ASIC2: variants seen among roughly 807,000 people sequenced by gnomAD.
The protein encoded by ASIC2 is acid-sensing ion channel 2.
In ASIC2, 25 loss-of-function variants were observed where a neutral mutation model predicts 57.3. The observed-to-expected ratio is 0.44, with a 90% CI of 0.32 to 0.61. The LOEUF (loss-of-function observed/expected upper bound fraction) is 0.61, where lower values mean the gene tolerates loss of function less well. Among genes scored for constraint, ASIC2 ranks in the 20% least tolerant of loss-of-function variants. The pLI is 0.06. For missense variants in ASIC2, 641 were observed against 738.1 expected (o/e 0.87, Z 1.52); for synonymous variants, 319 against 307.5 (o/e 1.04, Z -0.39).
chr17:33,326,695 T>C (rs768554623), intron 1 of ASIC2, among the ~76,000 whole-genome samples: 2 of 152,218 alleles, frequency 1.3e-5, no homozygotes, highest in Non-Finnish European at 2.9e-5. Context: ...ATGAACTTTT[T>C]CCCCAAAGGG....
chr17:34,053,711 A>AC (rs1330829546), intron 1 of ASIC2, among the ~76,000 whole-genome samples: 2 of 152,258 alleles, frequency 1.3e-5, no homozygotes, highest in African/African-American at 4.8e-5. Flanking sequence ...ATCAAAGAGC[A>AC]TAGAGGTGGA....
At position 33,063,005 on chromosome 17, in the gene ASIC2, G is replaced by A. The variant is rs545823938; in HGVS notation, c.987+25858C>T. On this transcript the variant is annotated intron_variant, in intron 3 of 9. Coordinates refer to ENST00000225823, the MANE Select transcript of ASIC2 (RefSeq NM_183377.2). ...GCAACCCCTGCCTTTTTTTGTTTTCGATTTGCTTGGCAGATCTTTCTCCAT... is the reference window on the plus strand; with the variant it reads ...GCAACCCCTGCCTTTTTTTGTTTTCAATTTGCTTGGCAGATCTTTCTCCAT... Among the ~76,000 whole-genome samples, 4 of 151,568 alleles carry A rather than the reference G, an allele frequency of 2.6e-5. No individual in the cohort carries two copies. The East Asian group carries it at 7.7e-4, about 29-fold the overall frequency.
intron 2 of ASIC2, among the ~76,000 whole-genome samples, chr17:33,092,875 T>A (rs2092163152): frequency 6.6e-6 from 1 of 152,216 alleles, no homozygotes; most frequent in Non-Finnish European, 1.5e-5. Context: ...GCTCAATAAA[T>A]GTTTGTTGAA....
At chr17:34,155,245 T>A (rs1018748450) in intron 1 of ASIC2, among the ~76,000 whole-genome samples, 1 of 152,100 alleles carries the variant, frequency 6.6e-6, no homozygotes, top group African/African-American at 2.4e-5. Flanking sequence ...CACAGGCATC[T>A]CCCTGACCCT....
At chr17:33,324,757 G>A (rs1907002219) in intron 1 of ASIC2, among the ~76,000 whole-genome samples, 2 of 152,098 alleles carry the variant, frequency 1.3e-5, no homozygotes, top group South Asian at 4.1e-4. Flanking sequence ...ATCTTTGACA[G>A]CACAAAGACT....
chr17:33,729,460 C>T (rs531967454), intron 1 of ASIC2, among the ~76,000 whole-genome samples: 35 of 152,206 alleles, frequency 2.3e-4, no homozygotes, highest in African/African-American at 8.4e-4. Context: ...GGACAAATAC[C>T]CAAACTATAT....
At chr17:33,898,218 A>ATTTT (rs1242866465) in intron 1 of ASIC2, among the ~76,000 whole-genome samples, 12 of 67,814 alleles carry the variant, frequency 1.8e-4, no homozygotes, top group African/African-American at 4.2e-4. Flanking sequence ...TTCATGTATA[A>ATTTT]TCTTTTTTTT....
intron 1 of ASIC2, among the ~76,000 whole-genome samples, chr17:33,469,630 A>G (rs902232587): frequency 1.1e-4 from 16 of 152,068 alleles, no homozygotes; most frequent in African/African-American, 3.9e-4. Context: ...CTCGACTCTC[A>G]CTCATTAGCT....
chr17:33,880,194 A>G (rs1259443641), intron 1 of ASIC2, among the ~76,000 whole-genome samples: 1 of 152,238 alleles, frequency 6.6e-6, no homozygotes, highest in African/African-American at 2.4e-5. Flanking sequence ...CAATTAAAAG[A>G]ACTAGAGAAG....
chr17:33,546,138 CAT>C (rs1915569036), intron 1 of ASIC2, among the ~76,000 whole-genome samples: 1 of 149,728 alleles, frequency 6.7e-6, no homozygotes, highest in African/African-American at 2.4e-5. Flanking sequence ...TATATATACA[CAT>C]ATGTATATGT....
intron 1 of ASIC2, chr17:33,581,575 G>C (rs1006405331): frequency 1.2e-4 from 19 of 152,190 alleles, no homozygotes; most frequent in African/African-American, 4.1e-4. Flanking sequence ...ATGTATTAAA[G>C]TGAAAAAGGA....
intron 1 of ASIC2, among the ~76,000 whole-genome samples, chr17:34,073,752 A>C (rs1024210821): frequency 7.2e-5 from 11 of 152,302 alleles, no homozygotes; most frequent in Admixed American, 2.0e-4. Context: ...CTAGAGGTCA[A>C]AACTTATCCA....
chr17:33,776,829 T>C (rs927435750), intron 1 of ASIC2, among the ~76,000 whole-genome samples: 3 of 152,222 alleles, frequency 2.0e-5, no homozygotes, highest in Non-Finnish European at 4.4e-5. Flanking sequence ...CTCTCTACTT[T>C]ATTCGTTAGC....
chr17:33,996,905 AT>A (rs1906178323), intron 1 of ASIC2, among the ~76,000 whole-genome samples: 1 of 152,182 alleles, frequency 6.6e-6, no homozygotes, highest in African/African-American at 2.4e-5. Context: ...TACCATTGGA[AT>A]TTGGATAGGG....
intron 3 of ASIC2, among the ~76,000 whole-genome samples, chr17:33,063,551 C>A (rs1204683694): frequency 6.6e-6 from 1 of 152,178 alleles, no homozygotes; most frequent in African/African-American, 2.4e-5. Context: ...TGATGGGCTT[C>A]CCTTTGTGGG....
intron 1 of ASIC2, among the ~76,000 whole-genome samples, chr17:33,492,236 G>A (rs989646051): frequency 5.9e-5 from 9 of 152,170 alleles, no homozygotes; most frequent in South Asian, 2.1e-4. Context: ...CGTGTGGTGA[G>A]GGCTATTACT....
chr17:33,846,852 C>T (rs941726826), intron 1 of ASIC2, among the ~76,000 whole-genome samples: 6 of 152,068 alleles, frequency 3.9e-5, no homozygotes, highest in African/African-American at 1.2e-4. Context: ...AGCCTCCCGA[C>T]AGTGATAACG....
At chr17:33,489,948 C>G (rs1407677383) in intron 1 of ASIC2, among the ~76,000 whole-genome samples, 1 of 152,236 alleles carries the variant, frequency 6.6e-6, no homozygotes, top group Non-Finnish European at 1.5e-5. Flanking sequence ...ATTCCACGAT[C>G]TTAACTGAAC....
At chr17:33,775,839 G>C (rs756176505) in intron 1 of ASIC2, among the ~76,000 whole-genome samples, 1 of 152,160 alleles carries the variant, frequency 6.6e-6, no homozygotes, top group Non-Finnish European at 1.5e-5. Flanking sequence ...TGGTGTTATA[G>C]ACTGAATGTC....
Sources: gnomAD v4.1 joint callset for allele counts (sites outside exome capture counted in the v4.1 genomes callset) on GRCh38, gnomAD v4.1.1 for gene constraint, MANE v1.5 for transcripts, NCBI Gene and HGNC (gene_info 2026-07-23, HGNC 2026-07-21) for gene names.